The following WDR41 variants were observed in gnomAD, a reference collection of about 807,000 sequenced individuals.
WDR41 encodes the protein WD repeat-containing protein 41.
In WDR41, 63 loss-of-function variants were observed where a neutral mutation model predicts 69.3. The observed-to-expected ratio is 0.91, with a 90% CI of 0.74 to 1.12. The LOEUF is 1.12. Ranked by LOEUF, WDR41 falls within the 50% of genes most tolerant of loss-of-function variation. The probability of loss-of-function intolerance (pLI) is 0.00; values close to 1 mark genes in which losing one functional copy is unlikely to be tolerated. For synonymous variants in WDR41, 185 were observed against 192.1 expected, an observed-to-expected ratio of 0.96 and a Z score of 0.31; for missense variants, 543 against 534.5, an observed-to-expected ratio of 1.02 and a Z score of -0.16.
chr5:77,615,391 A>G (rs1321015898), intron 1 of WDR41, among the ~76,000 whole-genome samples: 2 of 152,308 alleles, frequency 1.3e-5, no homozygotes, highest in Non-Finnish European at 2.9e-5. Flanking sequence ...ATGCTTTAAT[A>G]TACTACAACA....
chr5:77,610,931 C>T (rs1303889979), intron 1 of WDR41, among the ~76,000 whole-genome samples: 2 of 152,096 alleles, frequency 1.3e-5, no homozygotes, highest in Non-Finnish European at 2.9e-5. Context: ...CAAAGACACA[C>T]ATAGGCTCAA....
chr5:77,567,289 A>G (rs1184333239), intron 1 of WDR41, among the ~76,000 whole-genome samples: 1 of 152,188 alleles, frequency 6.6e-6, no homozygotes, highest in Non-Finnish European at 1.5e-5. Flanking sequence ...ATTAGCTAAC[A>G]AACAGAATAA....
intron 1 of WDR41, among the ~76,000 whole-genome samples, chr5:77,538,516 C>A (rs1263117360): frequency 6.6e-6 from 1 of 152,114 alleles, no homozygotes; most frequent in Non-Finnish European, 1.5e-5. Flanking sequence ...CCAGGTGTAT[C>A]CAATGCTTGG....
intron 2 of WDR41, among the ~76,000 whole-genome samples, chr5:77,483,376 G>A (rs979083968): frequency 1.3e-5 from 2 of 151,682 alleles, no homozygotes; most frequent in Non-Finnish European, 2.9e-5. Context: ...TGAGCTCAAG[G>A]AATCCTCCCA....
chr5:77,546,714 A>G (rs1743206859), intron 1 of WDR41, among the ~76,000 whole-genome samples: 1 of 152,094 alleles, frequency 6.6e-6, no homozygotes, highest in Admixed American at 6.5e-5. Context: ...ATTGGTACCA[A>G]TCCTATTGAC....
intron 1 of WDR41, among the ~76,000 whole-genome samples, chr5:77,502,051 G>A (rs1357217305): frequency 6.6e-6 from 1 of 152,062 alleles, no homozygotes; most frequent in Non-Finnish European, 1.5e-5. Flanking sequence ...GCTTCAGAAA[G>A]TTGGTAATAA....
chr5:77,544,109 GCCACTACCAGGCCA>G (rs921113623), intron 1 of WDR41, among the ~76,000 whole-genome samples: 3 of 152,026 alleles, frequency 2.0e-5, no homozygotes, highest in African/African-American at 4.8e-5. Flanking sequence ...GAAAGAATTT[GCCACTACCAGGCCA>G]CCACTACAAG....
chr5:77,564,840 T>C (rs981705245), intron 1 of WDR41, among the ~76,000 whole-genome samples: 2 of 152,258 alleles, frequency 1.3e-5, no homozygotes, highest in Middle Eastern at 3.4e-3. Flanking sequence ...AACAGTCCCA[T>C]AATGTATTTC....
chr5:77,541,370 A>G (rs890829076), intron 1 of WDR41, among the ~76,000 whole-genome samples: 2 of 151,720 alleles, frequency 1.3e-5, no homozygotes, highest in Admixed American at 1.3e-4. Flanking sequence ...ATCACTGATC[A>G]TTAGAGAAAT....
At chr5:77,605,723 C>T (rs1032390942) in intron 1 of WDR41, among the ~76,000 whole-genome samples, 16 of 152,098 alleles carry the variant, frequency 1.1e-4, no homozygotes, top group African/African-American at 2.7e-4. Flanking sequence ...CTAGGGCCCT[C>T]GTGGTTCCTG....
intron 1 of WDR41, among the ~76,000 whole-genome samples, chr5:77,544,091 C>T (rs1387762169): frequency 6.6e-6 from 1 of 152,042 alleles, no homozygotes; most frequent in African/African-American, 2.4e-5. Context: ...CTTTCTCAAA[C>T]AAATGCTGAA....
At chr5:77,477,534 T>A (rs1801000094) in intron 2 of WDR41, among the ~76,000 whole-genome samples, 1 of 86,238 alleles carries the variant, frequency 1.2e-5, no homozygotes, top group Non-Finnish European at 2.0e-5. Flanking sequence ...TCAAAACCGC[T>A]CAACTACATG....
intron 1 of WDR41, among the ~76,000 whole-genome samples, chr5:77,547,591 C>G (rs1743222464): frequency 6.6e-6 from 1 of 151,026 alleles, no homozygotes; most frequent in Admixed American, 6.6e-5. Context: ...TGAAAGATCT[C>G]TACAAGGAAA....
chr5:77,431,238 TCTTATTTTAAGGAA>T lies in WDR41; in HGVS notation c.*1883_*1896del, dbSNP rs1286637001. 6.6e-6 allele frequency: 1 copy of T among 152,320 alleles called. No individual in the cohort carries two copies. Among genetic ancestry groups the T allele is most frequent in the African/African-American group, 2.4e-5 (1 of 41,452 alleles). 9.4% of individuals were successfully genotyped at this position (152,320 alleles called of 1,614,324 possible). ...ATTGATTTGGAAAACTTCATCGCTA[TCTTATTTTAAGGAA>T]CTGCCACAGCCACCCCAACCTTCAG... On this transcript the variant is annotated 3_prime_UTR_variant, in exon 13 of 13. Transcript: ENST00000296679.
chr5:77,463,114 G>C lies in WDR41; in HGVS notation c.329C>G (p.Ser110Cys). The C allele has an allele frequency of 1.9e-6, 3 of 1,612,184 alleles. No individual in the cohort carries two copies. The highest frequency in any genetic ancestry group is 1.3e-5 in the African/African-American group (1 of 74,918). The change falls in exon 4 of 13, where the codon TCT (serine) becomes TGT (cysteine). Residue 110 changes from serine to cysteine, a missense_variant. By Grantham distance (112) the Ser-to-Cys change is moderately radical. Transcript: ENST00000296679. ...GGATACAATAACTGTTCTATCAGCA[G>C]AGGCTGTCAAGATGAGTTGATTTTT... The part of the protein sequence containing the change: ...EEKNQLILTA[S>C]ADRTVIVWDG...
At chr5:77,472,623 A>C (rs1800679291) in intron 2 of WDR41, among the ~76,000 whole-genome samples, 1 of 152,190 alleles carries the variant, frequency 6.6e-6, no homozygotes, top group Non-Finnish European at 1.5e-5. Flanking sequence ...ATTCTTTTAC[A>C]CCAATAACAG....
chr5:77,503,139 C>CA (rs773186309), intron 1 of WDR41, among the ~76,000 whole-genome samples: 2 of 122,236 alleles, frequency 1.6e-5, no homozygotes, highest in Non-Finnish European at 3.2e-5. Flanking sequence ...CAGAGACACA[C>CA]ATAGGCTCAA....
intron 1 of WDR41, among the ~76,000 whole-genome samples, chr5:77,555,100 A>T (rs923542530): frequency 3.9e-5 from 6 of 151,992 alleles, no homozygotes; most frequent in African/African-American, 1.2e-4. Flanking sequence ...AAAAAAAAAA[A>T]ATACAAGTAT....
intron 2 of WDR41, among the ~76,000 whole-genome samples, chr5:77,467,178 A>G (rs1331237787): frequency 6.6e-6 from 1 of 151,970 alleles, no homozygotes. Flanking sequence ...ATAAAGTTTA[A>G]GCTATTCTAT....
Sources: allele counts gnomAD v4.1 joint callset (sites outside exome capture counted in the v4.1 genomes callset), GRCh38; gene constraint gnomAD v4.1.1; transcripts MANE v1.5; gene names NCBI Gene and HGNC (gene_info 2026-07-23, HGNC 2026-07-21).